Variants in KCNMA1 observed in about 807,000 individuals in gnomAD.
KCNMA1 encodes Calcium-activated potassium channel subunit alpha-1.
A neutral mutation model predicts 140.0 loss-of-function variants in KCNMA1; 29 were observed. The ratio of observed to expected loss-of-function variants is 0.21; its 90% CI spans 0.15 to 0.28. KCNMA1 has a LOEUF of 0.28. KCNMA1 is among the 10% of genes least tolerant of loss of function. The pLI, the probability that KCNMA1 is intolerant of heterozygous loss-of-function variation, is 1.00. For synonymous variants in KCNMA1, 612 were observed against 611.9 expected, an observed-to-expected ratio of 1.00 and a Z score of 0.00; for missense variants, 880 against 1,602.2, an observed-to-expected ratio of 0.55 and a Z score of 7.70.
chr10:77,339,193 A>T (rs190616522), intron 2 of KCNMA1, among the ~76,000 whole-genome samples: 3 of 151,628 alleles, frequency 2.0e-5, no homozygotes, highest in Admixed American at 2.0e-4. Flanking sequence ...AAAAAAAGGC[A>T]GGCTCTTCCA....
At chr10:77,523,768 A>G (rs1273739834) in intron 1 of KCNMA1, among the ~76,000 whole-genome samples, 2 of 152,238 alleles carry the variant, frequency 1.3e-5, no homozygotes, top group African/African-American at 2.4e-5. Flanking sequence ...AAATCAAATT[A>G]GAGTAGAAAG....
At chr10:77,085,641 G>A (rs149663582) in intron 11 of KCNMA1, among the ~76,000 whole-genome samples, 6 of 152,158 alleles carry the variant, frequency 3.9e-5, no homozygotes, top group East Asian at 3.9e-4. Context: ...AATATCCTCC[G>A]TGGTATGTCA....
chr10:77,169,189 C>G (rs947023632), intron 5 of KCNMA1, among the ~76,000 whole-genome samples: 5 of 152,000 alleles, frequency 3.3e-5, no homozygotes, highest in African/African-American at 4.8e-5. Flanking sequence ...AAAGCAGCTG[C>G]TAGACAAGAA....
intron 10 of KCNMA1, 85 bp from the exon 11 acceptor site, chr10:77,086,678 C>A: frequency 1.1e-6 from 1 of 939,368 alleles, no homozygotes; most frequent in East Asian, 2.5e-5. Context: ...CTAATTTCCA[C>A]AGGGAGCCCT....
chr10:76,907,529 T>C (rs1158011302), intron 25 of KCNMA1, among the ~76,000 whole-genome samples: 1 of 152,076 alleles, frequency 6.6e-6, no homozygotes, highest in Non-Finnish European at 1.5e-5. Flanking sequence ...ACATCTCTGT[T>C]GTTTTATTTT....
chr10:76,954,032 G>A, intron 20 of KCNMA1, 108 bp from the exon 21 acceptor site: 1 of 1,265,264 alleles, frequency 7.9e-7, no homozygotes, highest in Non-Finnish European at 1.1e-6. Flanking sequence ...AGAGGAAGTG[G>A]TTGTCACTGA....
At chr10:77,398,091 CTTTA>C (rs1046242014) in intron 2 of KCNMA1, among the ~76,000 whole-genome samples, 1 of 137,896 alleles carries the variant, frequency 7.3e-6, no homozygotes, top group Non-Finnish European at 1.6e-5. Context: ...TTTTTTTTTT[CTTTA>C]TTTAATCATC....
chr10:76,908,311 T>C (rs185619406), intron 25 of KCNMA1, among the ~76,000 whole-genome samples: 1 of 152,290 alleles, frequency 6.6e-6, no homozygotes, highest in East Asian at 1.9e-4. Context: ...CATCAGGCCA[T>C]AAGAAAGATC....
At chr10:76,923,395 C>G (rs1224618255) in intron 23 of KCNMA1, among the ~76,000 whole-genome samples, 1 of 149,818 alleles carries the variant, frequency 6.7e-6, no homozygotes, top group African/African-American at 2.5e-5. Flanking sequence ...CACCACTGCA[C>G]TCCAGCCTGG....
chr10:77,073,807 C>T (rs767480488), intron 13 of KCNMA1, among the ~76,000 whole-genome samples: 17 of 152,080 alleles, frequency 1.1e-4, no homozygotes, highest in African/African-American at 3.9e-4. Context: ...TTGGAGGTGA[C>T]GCTGACGCTG....
chr10:77,409,535 G>C (rs1175851276), intron 1 of KCNMA1, among the ~76,000 whole-genome samples: 2 of 152,198 alleles, frequency 1.3e-5, no homozygotes, highest in African/African-American at 2.4e-5. Flanking sequence ...GGAACCTGGA[G>C]TTCAGGGTGT....
At chr10:77,428,975 G>A (rs1250233153) in intron 1 of KCNMA1, among the ~76,000 whole-genome samples, 1 of 152,182 alleles carries the variant, frequency 6.6e-6, no homozygotes, top group Non-Finnish European at 1.5e-5. Flanking sequence ...CCAGGAAAGG[G>A]AGACTAAATG....
chr10:77,420,940 C>G (rs547857644), intron 1 of KCNMA1, among the ~76,000 whole-genome samples: 2 of 152,348 alleles, frequency 1.3e-5, no homozygotes, highest in Admixed American at 6.5e-5. Flanking sequence ...ACACTGAAGC[C>G]AGAGAGATAC....
At chr10:77,494,834 G>C (rs941362693) in intron 1 of KCNMA1, among the ~76,000 whole-genome samples, 36 of 152,224 alleles carry the variant, frequency 2.4e-4, no homozygotes, top group African/African-American at 8.4e-4. Flanking sequence ...AGGGCTGTGA[G>C]GGCACATGTG....
intron 1 of KCNMA1, among the ~76,000 whole-genome samples, chr10:77,519,254 C>T (rs1370452804): frequency 4.6e-5 from 7 of 152,240 alleles, no homozygotes; most frequent in Non-Finnish European, 8.8e-5. Context: ...CCATCACCCC[C>T]GAGTTGCTTT....
intron 2 of KCNMA1, among the ~76,000 whole-genome samples, chr10:77,381,757 T>G (rs1566433442): frequency 1.3e-5 from 2 of 152,156 alleles, no homozygotes; most frequent in African/African-American, 4.8e-5. Context: ...ATTGTTGACT[T>G]AGAATCAGTT....
chr10:77,493,503 C>A (rs3127447), intron 1 of KCNMA1, among the ~76,000 whole-genome samples: 95,199 of 152,168 alleles, frequency 0.63, 30,829 homozygotes, highest in East Asian at 0.79. Context: ...TGAGAATGCA[C>A]GCCCAACTGA....
chr10:77,158,332 G>T (rs966318594), intron 5 of KCNMA1, among the ~76,000 whole-genome samples: 4 of 152,112 alleles, frequency 2.6e-5, no homozygotes, highest in Non-Finnish European at 5.9e-5. Context: ...GGTAGTGAAG[G>T]CAAGAGCTCA....
chr10:77,174,470 C>T (rs1271333473), intron 5 of KCNMA1, among the ~76,000 whole-genome samples: 2 of 152,178 alleles, frequency 1.3e-5, no homozygotes, highest in Non-Finnish European at 1.5e-5. Flanking sequence ...ATGGAATGTT[C>T]CACATCTGTG....
Sources: gnomAD v4.1 joint callset for allele counts (sites outside exome capture counted in the v4.1 genomes callset) on GRCh38, gnomAD v4.1.1 for gene constraint, MANE v1.5 for transcripts, NCBI Gene and HGNC (gene_info 2026-07-23, HGNC 2026-07-21) for gene names.